ZNF385B: variants seen among roughly 807,000 people sequenced by gnomAD.
ZNF385B encodes the protein zinc finger protein 385B.
Under a neutral mutation model 39.2 loss-of-function variants are expected in ZNF385B, and 23 were observed. The observed-to-expected ratio is 0.59, with a 90% confidence interval of 0.42 to 0.83. The LOEUF is 0.83. ZNF385B is among the 40% of genes least tolerant of loss of function. The pLI is 0.00. For missense variants in ZNF385B, 552 were observed against 598.9 expected (o/e 0.92, Z 0.82); for synonymous variants, 205 against 222.6 (o/e 0.92, Z 0.70).
intron 5 of ZNF385B, among the ~76,000 whole-genome samples, chr2:179,494,964 C>T (rs1177361160): frequency 6.6e-6 from 1 of 152,076 alleles, no homozygotes; most frequent in African/African-American, 2.4e-5. Context: ...AAAATTCCTT[C>T]TGCTTGAGAA....
chr2:179,808,095 G>C (rs1302958997), intron 1 of ZNF385B, among the ~76,000 whole-genome samples: 1 of 151,442 alleles, frequency 6.6e-6, no homozygotes. Flanking sequence ...TGCAGTGGCG[G>C]GATCTCAGCT....
At chr2:179,722,190 T>C (rs1168809944) in intron 3 of ZNF385B, among the ~76,000 whole-genome samples, 1 of 152,008 alleles carries the variant, frequency 6.6e-6, no homozygotes, top group African/African-American at 2.4e-5. Flanking sequence ...AAAACACATA[T>C]GAAGATTTTA....
intron 3 of ZNF385B, among the ~76,000 whole-genome samples, chr2:179,591,846 C>A (rs1370801882): frequency 6.6e-6 from 1 of 152,070 alleles, no homozygotes; most frequent in Non-Finnish European, 1.5e-5. Flanking sequence ...CTTGAGCTTC[C>A]CTCCAGGGCC....
chr2:179,445,981 A>C (rs2049434369), intron 7 of ZNF385B, among the ~76,000 whole-genome samples: 1 of 152,162 alleles, frequency 6.6e-6, no homozygotes. Flanking sequence ...AGAGGTAACC[A>C]CTATTATCAT....
At chr2:179,588,580 C>A (rs1558950410) in intron 3 of ZNF385B, among the ~76,000 whole-genome samples, 1 of 152,144 alleles carries the variant, frequency 6.6e-6, no homozygotes, top group Non-Finnish European at 1.5e-5. Flanking sequence ...CATTTTCCAA[C>A]TTAGACTCTC....
At chr2:179,673,533 G>A (rs1696330579) in intron 3 of ZNF385B, among the ~76,000 whole-genome samples, 1 of 152,184 alleles carries the variant, frequency 6.6e-6, no homozygotes, top group South Asian at 2.1e-4. Flanking sequence ...ATGAGAACAT[G>A]TGTTGGAATT....
chr2:179,661,804 G>T (rs1694509342), intron 3 of ZNF385B, among the ~76,000 whole-genome samples: 1 of 152,190 alleles, frequency 6.6e-6, no homozygotes, highest in African/African-American at 2.4e-5. Flanking sequence ...CAATATCAGT[G>T]TGTGCATGAA....
chr2:179,576,760 T>C (rs1300223812), intron 3 of ZNF385B, among the ~76,000 whole-genome samples: 1 of 152,142 alleles, frequency 6.6e-6, no homozygotes, highest in Non-Finnish European at 1.5e-5. Context: ...AATACAGAGA[T>C]GTAATTCAGG....
intron 6 of ZNF385B, among the ~76,000 whole-genome samples, chr2:179,456,396 G>T (rs768546929): frequency 6.6e-6 from 1 of 152,070 alleles, no homozygotes; most frequent in African/African-American, 2.4e-5. Context: ...GACATAATAT[G>T]GTATCTCATT....
intron 6 of ZNF385B, among the ~76,000 whole-genome samples, chr2:179,447,516 A>G (rs143481971): frequency 1.9e-3 from 283 of 152,324 alleles, no homozygotes; most frequent in African/African-American, 6.3e-3. Flanking sequence ...GCAGGCTATG[A>G]GAGTTAGAGT....
intron 3 of ZNF385B, among the ~76,000 whole-genome samples, chr2:179,672,102 A>G (rs1277535947): frequency 2.0e-5 from 3 of 152,250 alleles, no homozygotes; most frequent in Non-Finnish European, 2.9e-5. Context: ...CTCTGCCCCA[A>G]TGTGTCCAGA....
At chr2:179,633,358 A>G (rs1691423972) in intron 3 of ZNF385B, among the ~76,000 whole-genome samples, 1 of 152,150 alleles carries the variant, frequency 6.6e-6, no homozygotes, top group Admixed American at 6.5e-5. Flanking sequence ...ATCCACCACG[A>G]TCAAGTCAGC....
intron 1 of ZNF385B, among the ~76,000 whole-genome samples, chr2:179,795,143 C>T (rs1448165034): frequency 1.3e-5 from 2 of 151,264 alleles, no homozygotes; most frequent in South Asian, 4.2e-4. Flanking sequence ...ATCAAGGAAG[C>T]TAAAAAAGAA....
intron 3 of ZNF385B, among the ~76,000 whole-genome samples, chr2:179,556,744 A>G (rs1013801560): frequency 6.7e-6 from 1 of 149,396 alleles, no homozygotes; most frequent in African/African-American, 2.5e-5. Context: ...GCCTCTTTCT[A>G]TTACAAACAG....
chr2:179,708,060 T>C (rs1268869471), intron 3 of ZNF385B, among the ~76,000 whole-genome samples: 1 of 152,174 alleles, frequency 6.6e-6, no homozygotes, highest in African/African-American at 2.4e-5. Flanking sequence ...ACTAGCTACA[T>C]ATTGGTCACC....
intron 3 of ZNF385B, among the ~76,000 whole-genome samples, chr2:179,640,364 T>C (rs1368991719): frequency 1.3e-5 from 2 of 151,930 alleles, no homozygotes; most frequent in Non-Finnish European, 2.9e-5. Context: ...GAGTGAAGTG[T>C]CTTGTTATCT....
intron 3 of ZNF385B, among the ~76,000 whole-genome samples, chr2:179,575,798 T>C (rs1391680992): frequency 6.6e-6 from 1 of 152,142 alleles, no homozygotes; most frequent in East Asian, 1.9e-4. Flanking sequence ...TTTTGTTTTT[T>C]TTTAAAGGGA....
chr2:179,729,128 C>CA (rs767380342), intron 3 of ZNF385B, among the ~76,000 whole-genome samples: 1,913 of 76,456 alleles, frequency 0.025, 17 homozygotes, highest in South Asian at 0.052. Context: ...ATTCTATTCT[C>CA]AAAAAAAAAA....
chr2:179,790,563 C>T (rs906025896), intron 1 of ZNF385B, among the ~76,000 whole-genome samples: 4 of 152,144 alleles, frequency 2.6e-5, no homozygotes, highest in Non-Finnish European at 5.9e-5. Context: ...GAGTAGTTAT[C>T]CAATAGTGTC....
Sources: allele counts gnomAD v4.1 joint callset (sites outside exome capture counted in the v4.1 genomes callset), GRCh38; gene constraint gnomAD v4.1.1; transcripts MANE v1.5; gene names NCBI Gene and HGNC (gene_info 2026-07-23, HGNC 2026-07-21).